TBCA: variants seen among roughly 807,000 people sequenced by gnomAD.
The protein encoded by TBCA is tubulin-specific chaperone A.
A neutral mutation model predicts 15.8 loss-of-function variants in TBCA; 6 were observed. The ratio of observed to expected loss-of-function variants is 0.38; its 90% CI spans 0.21 to 0.75. The LOEUF (loss-of-function observed/expected upper bound fraction) is 0.75, where lower values mean the gene tolerates loss of function less well. Among genes scored for constraint, TBCA ranks in the 30% least tolerant of loss-of-function variants. The pLI, the probability that TBCA is intolerant of heterozygous loss-of-function variation, is 0.46. For synonymous variants in TBCA, 32 were observed against 42.3 expected, an observed-to-expected ratio of 0.76 and a Z score of 0.94; for missense variants, 90 against 131.2, an observed-to-expected ratio of 0.69 and a Z score of 1.53.
At chr5:77,732,143 A>T (rs1746786855) in intron 1 of TBCA, among the ~76,000 whole-genome samples, 1 of 152,206 alleles carries the variant, frequency 6.6e-6, no homozygotes, top group Non-Finnish European at 1.5e-5. Context: ...CTTCCCAATA[A>T]GTAATCTGAA....
At chr5:77,765,879 GC>G (rs1431147892) in intron 1 of TBCA, among the ~76,000 whole-genome samples, 131 of 48,188 alleles carry the variant, frequency 2.7e-3, no homozygotes, top group African/African-American at 7.6e-3. Context: ...AAAAACTAGG[GC>G]CAAAAAAAAA....
intron 1 of TBCA, among the ~76,000 whole-genome samples, chr5:77,768,562 C>A (rs539841015): frequency 7.8e-4 from 119 of 152,276 alleles, no homozygotes; most frequent in African/African-American, 2.8e-3. Flanking sequence ...CTTATCCGAT[C>A]AGGTTCAAAA....
intron 2 of TBCA, among the ~76,000 whole-genome samples, chr5:77,700,661 T>C (rs1174420790): frequency 6.6e-6 from 1 of 152,232 alleles, no homozygotes; most frequent in Non-Finnish European, 1.5e-5. Flanking sequence ...GGTAGTTTCT[T>C]TTAAAACAAA....
At chr5:77,759,646 G>A (rs2112504850) in intron 1 of TBCA, among the ~76,000 whole-genome samples, 2 of 152,234 alleles carry the variant, frequency 1.3e-5, no homozygotes, top group South Asian at 4.1e-4. Context: ...ACTCAGTTAT[G>A]CTGCAAAGAT....
intron 1 of TBCA, among the ~76,000 whole-genome samples, chr5:77,711,886 A>C (rs1746285387): frequency 6.6e-6 from 1 of 152,128 alleles, no homozygotes. Flanking sequence ...CAAAATAAAT[A>C]CAAGTTACGT....
At chr5:77,691,911 A>C in intron 3 of TBCA, 1 of 989,294 alleles carries the variant, frequency 1.0e-6, no homozygotes, top group Non-Finnish European at 1.2e-6. Context: ...GACTATTCAC[A>C]ATGACAAAGA....
At chr5:77,713,390 T>A (rs955008897) in intron 1 of TBCA, among the ~76,000 whole-genome samples, 2 of 152,156 alleles carry the variant, frequency 1.3e-5, no homozygotes, top group African/African-American at 4.8e-5. Context: ...TGTTAGTGAT[T>A]GTGAAGTATT....
Position 77,770,352 on chromosome 5 carries a change from A to T in TBCA, c.53+5853T>A, listed in dbSNP as rs556936912. Among the ~76,000 whole-genome samples the T allele has an allele frequency of 7.9e-5, 12 of 152,362 alleles. No individual in the cohort carries two copies. The East Asian group carries it at 1.7e-3, about 22-fold the overall frequency. ...CACCATGCACTTAAGTTTTAAATTA[A>T]GGTACAACATACAACTCACAGTTGT... On this transcript the variant is annotated intron_variant, in intron 1 of 3. Transcript: ENST00000380377.
chr5:77,700,367 A>C (rs367598716), intron 2 of TBCA, among the ~76,000 whole-genome samples: 115 of 152,324 alleles, frequency 7.5e-4, no homozygotes, highest in African/African-American at 2.5e-3. Flanking sequence ...TTAAAAAAAA[A>C]ACAAAGCATC....
chr5:77,729,206 C>T lies in TBCA; in HGVS notation c.54-20859G>A, dbSNP rs544084997. On this transcript the variant is annotated intron_variant, in intron 1 of 3. Coordinates refer to ENST00000380377, the MANE Select transcript of TBCA (RefSeq NM_004607.3). ...GTGCACGCCTGTAAGCCTAGCTATT[C>T]GGGAGGCTAAGGCAGGAGAATCGCT... Among the ~76,000 whole-genome samples, 17 of 151,878 alleles carry T rather than the reference C, an allele frequency of 1.1e-4. No individual in the cohort carries two copies. The South Asian group carries it at 2.9e-3, about 26-fold the overall frequency.
chr5:77,759,811 GTATAAGTATGTATACTTATACAATATACT>G (rs1747563356), intron 1 of TBCA, among the ~76,000 whole-genome samples: 1 of 152,084 alleles, frequency 6.6e-6, no homozygotes, highest in South Asian at 2.1e-4. Context: ...TGTATACTTT[GTATAAGTATGTATACTTATACAATATACT>G]TATAAGTATG....
At chr5:77,708,538 C>G (rs2112439439) in intron 1 of TBCA, 191 bp from the exon 2 acceptor site, 1 of 401,230 alleles carries the variant, frequency 2.5e-6, no homozygotes. Context: ...AAGTCCTATA[C>G]CTGCCTAACG....
At chr5:77,761,335 C>T (rs919255148) in intron 1 of TBCA, among the ~76,000 whole-genome samples, 4 of 151,984 alleles carry the variant, frequency 2.6e-5, no homozygotes, top group Non-Finnish European at 4.4e-5. Context: ...ATAACCTTAC[C>T]CCCAACCCCG....
At chr5:77,768,193 T>G (rs903104098) in intron 1 of TBCA, among the ~76,000 whole-genome samples, 2 of 152,200 alleles carry the variant, frequency 1.3e-5, no homozygotes, top group South Asian at 4.1e-4. Context: ...GCAGCACAAA[T>G]GAACGAAGAT....
intron 1 of TBCA, among the ~76,000 whole-genome samples, chr5:77,752,157 T>C (rs974981628): frequency 7.2e-5 from 11 of 152,204 alleles, no homozygotes; most frequent in Non-Finnish European, 7.4e-5. Flanking sequence ...ATTTTTACAA[T>C]CCATTATAGT....
intron 1 of TBCA, among the ~76,000 whole-genome samples, chr5:77,734,365 C>T (rs752851890): frequency 4.6e-5 from 7 of 152,226 alleles, no homozygotes; most frequent in Admixed American, 1.3e-4. Context: ...AAAGGATTCA[C>T]GATTCTAGAT....
At chr5:77,744,531 C>CTTTTTT (rs70991305) in intron 1 of TBCA, among the ~76,000 whole-genome samples, 1,383 of 82,970 alleles carry the variant, frequency 0.017, 72 homozygotes, top group South Asian at 0.022. Context: ...TCTTATTCAC[C>CTTTTTT]TTTTTTTTTT....
chr5:77,726,343 C>A (rs780333895), intron 1 of TBCA, among the ~76,000 whole-genome samples: 5 of 152,194 alleles, frequency 3.3e-5, no homozygotes, highest in Non-Finnish European at 7.3e-5. Flanking sequence ...GGAATGGAGG[C>A]CACTGTTCGT....
chr5:77,694,365 T>A (rs1745825731), intron 2 of TBCA: 1 of 152,168 alleles, frequency 6.6e-6, no homozygotes, highest in Non-Finnish European at 1.5e-5. Context: ...TGACAGACAC[T>A]ACAGAATTAA....
Sources: allele counts gnomAD v4.1 joint callset (sites outside exome capture counted in the v4.1 genomes callset), GRCh38; gene constraint gnomAD v4.1.1; transcripts MANE v1.5; gene names NCBI Gene and HGNC (gene_info 2026-07-23, HGNC 2026-07-21).